Variants in F11R observed in about 807,000 individuals in gnomAD.
The protein encoded by F11R is junctional adhesion molecule A.
Under a neutral mutation model 39.3 loss-of-function variants are expected in F11R, and 27 were observed. The ratio of observed to expected loss-of-function variants is 0.69; its 90% CI spans 0.51 to 0.95. The LOEUF (loss-of-function observed/expected upper bound fraction) is 0.95, where lower values mean the gene tolerates loss of function less well. F11R is among the 40% of genes least tolerant of loss of function. F11R has a pLI of 0.00. For synonymous variants in F11R, 131 were observed against 144.9 expected (o/e 0.90, Z 0.69); for missense variants, 335 against 372.7 (o/e 0.90, Z 0.83).
chr1:161,007,125 C>T (rs372101013), intron 1 of F11R, among the ~76,000 whole-genome samples: 5 of 145,912 alleles, frequency 3.4e-5, no homozygotes, highest in Non-Finnish European at 7.4e-5. Flanking sequence ...GAGCTGAGAT[C>T]GTGCCATTGC....
In F11R at chr1:161,000,657, T is replaced by A; in HGVS notation, c.362A>T (p.Glu121Val). ...AAGCACGATGAGCTTGACCTTGACC[T>A]CCCCATAGCTGTTGCCGCCTTCCTC... ...VSEEGGNSYG[E>V]VKVKLIVLVP... The change falls in exon 4 of 10, where the codon GAG (glutamate) becomes GTG (valine). Residue 121 changes from glutamate (E) to valine (V), a missense_variant. Glu to Val is a moderately radical substitution (Grantham distance 121, BLOSUM62 -2). Transcript: ENST00000368026. The A allele has an allele frequency of 6.2e-7, 1 of 1,614,002 alleles. No homozygotes were observed. The highest frequency in any genetic ancestry group is 8.5e-7 in the Non-Finnish European group (1 of 1,179,992).
chr1:161,021,103 C>G lies in F11R; in HGVS notation c.-30G>C. On this transcript the variant is annotated 5_prime_UTR_variant, in exon 1 of 10. Transcript: ENST00000368026. Reference sequence around the variant, plus strand: ...ATCAGGCTCCCGACACAACAGCCGCCGAAGGACTCCTGGGAACAGACACAG... The same window carrying G: ...ATCAGGCTCCCGACACAACAGCCGCGGAAGGACTCCTGGGAACAGACACAG... The G allele has an allele frequency of 1.9e-6, 3 of 1,597,992 alleles. No homozygotes were observed. The highest frequency in any genetic ancestry group is 2.6e-6 in the Non-Finnish European group (3 of 1,166,490).
At chr1:161,003,926 G>A (rs980456944) in intron 1 of F11R, among the ~76,000 whole-genome samples, 6 of 151,472 alleles carry the variant, frequency 4.0e-5, no homozygotes, top group African/African-American at 1.5e-4. Context: ...CACCATGCCC[G>A]GCTAATTTTG....
At chr1:161,012,415 C>T (rs895073354) in intron 1 of F11R, among the ~76,000 whole-genome samples, 1 of 151,924 alleles carries the variant, frequency 6.6e-6, no homozygotes. Context: ...TCAAGACCAG[C>T]CTGGGCAACA....
chr1:161,008,248 C>T lies in F11R; in HGVS notation c.65-6895G>A, dbSNP rs147297226. On this transcript the variant is annotated intron_variant, in intron 1 of 9. Coordinates refer to ENST00000368026, the MANE Select transcript of F11R (RefSeq NM_016946.6). ...CGGTGACTCACGCCTGTAATCCCAGCACTTTGGGAGGCTGAGGCAGGCGGA... is the reference window on the plus strand; with the variant it reads ...CGGTGACTCACGCCTGTAATCCCAGTACTTTGGGAGGCTGAGGCAGGCGGA... Among the ~76,000 whole-genome samples the T allele has an allele frequency of 7.9e-4, 120 of 152,226 alleles. 1 individual carries two copies. Among genetic ancestry groups the T allele is most frequent in the African/African-American group, 2.8e-3 (115 of 41,538 alleles).
chr1:161,018,022 C>T (rs1385022609), intron 1 of F11R, among the ~76,000 whole-genome samples: 5 of 152,348 alleles, frequency 3.3e-5, no homozygotes, highest in East Asian at 1.9e-4. Context: ...TTCCCTCTCT[C>T]CCCTGTGGTT....
chr1:161,015,446 GC>G (rs1417782714), intron 1 of F11R, among the ~76,000 whole-genome samples: 1 of 145,754 alleles, frequency 6.9e-6, no homozygotes, highest in African/African-American at 2.5e-5. Context: ...ACAAAAATTA[GC>G]CAAGAATGGT....
rs1648090505 is a variant in F11R at position 160,995,901 on chromosome 1, C to G, written c.*2970G>C. 6.6e-6 allele frequency: 1 copy of G among 152,328 alleles called. No individual in the cohort carries two copies. The highest frequency in any genetic ancestry group is 1.5e-5 in the Non-Finnish European group (1 of 68,040). The allele number at this position is 152,328 out of a possible 1,614,324, so 9.4% of individuals were successfully genotyped here. On this transcript the variant is annotated 3_prime_UTR_variant, in exon 10 of 10. Transcript: ENST00000368026. ...AACAAACACATCCTTAACACTCAAT[C>G]ATTTTATCCCAGATTATGCTGAGTT...
chr1:161,020,893 G>A (rs957577786), intron 1 of F11R, 117 bp downstream of exon 1: 2 of 892,648 alleles, frequency 2.2e-6, no homozygotes, highest in East Asian at 2.4e-5. Flanking sequence ...ATAATTCGCA[G>A]AACGATATAG....
At position 161,000,217 on chromosome 1, in the gene F11R, G is replaced by T. The variant is rs759546475; in HGVS notation, c.520C>A (p.Pro174Thr). ...GCACGGGTGCTTTTGGGATTCGTAG[G>T]CATCACTATCCCATCTTTGAACCAG... is the stretch of plus-strand genomic sequence containing the variant. ...YTWFKDGIVM[P>T]TNPKSTRAFS... Residue 174 changes from proline (P) to threonine (T), a missense_variant, in exon 5 of 10, where the codon CCT becomes ACT. Physicochemically the swap from Pro to Thr is conservative, Grantham distance 38. Coordinates refer to ENST00000368026, the MANE Select transcript of F11R (RefSeq NM_016946.6). 1.9e-6 allele frequency: 3 copies of T among 1,614,000 alleles called. No homozygotes were observed. The African/African-American group carries it at 4.0e-5, about 22-fold the overall frequency.
intron 1 of F11R, among the ~76,000 whole-genome samples, chr1:161,016,914 T>G (rs942906528): frequency 3.3e-5 from 5 of 152,256 alleles, no homozygotes; most frequent in African/African-American, 4.8e-5. Flanking sequence ...CATTTTGTTC[T>G]GTACTAAGAA....
chr1:161,009,264 T>C (rs1256278162), intron 1 of F11R, among the ~76,000 whole-genome samples: 1 of 152,082 alleles, frequency 6.6e-6, no homozygotes, highest in Non-Finnish European at 1.5e-5. Flanking sequence ...CAAAACACTG[T>C]CAAAGCAATT....
At chr1:161,007,140 C>T (rs1165537002) in intron 1 of F11R, among the ~76,000 whole-genome samples, 3 of 145,442 alleles carry the variant, frequency 2.1e-5, no homozygotes, top group African/African-American at 7.7e-5. Flanking sequence ...CATTGCACTC[C>T]AGCCTGGGCA....
chr1:160,999,277 C>G, intron 8 of F11R, 119 bp downstream of exon 8: 1 of 1,480,898 alleles, frequency 6.8e-7, no homozygotes, highest in Non-Finnish European at 9.4e-7. Flanking sequence ...TATCCAAATG[C>G]CTTCCCTCCA....
chr1:161,000,019 A>G (rs1267159905), intron 5 of F11R, 41 bp from the exon 6 acceptor site: 1 of 1,605,702 alleles, frequency 6.2e-7, no homozygotes, highest in Admixed American at 1.7e-5. Context: ...TGAAGAAGCA[A>G]AATAGACATT....
chr1:161,019,938 AG>A (rs1489618022), intron 1 of F11R, among the ~76,000 whole-genome samples: 2 of 152,194 alleles, frequency 1.3e-5, no homozygotes, highest in African/African-American at 2.4e-5. Context: ...AATCCATCTA[AG>A]GGCAGGGAAT....
rs781220488 is a variant in F11R, at chr1:160,999,432, T to A, written c.803-24A>T. 1.9e-6 allele frequency: 3 copies of A among 1,614,126 alleles called. No individual in the cohort carries two copies. In the Admixed American group the frequency reaches 5.0e-5, roughly 27 times the overall value. On this transcript the variant is annotated intron_variant, in intron 7 of 9. Transcript: ENST00000368026. ...TCCTGAAAGAGAAGAAATGGGATCA[T>A]GAGTGTCAGCAGGACAGAAGACAGC...
At chr1:161,000,488 G>T in intron 4 of F11R, 140 bp from the exon 5 acceptor site, 1 of 1,410,040 alleles carries the variant, frequency 7.1e-7, no homozygotes. Flanking sequence ...CTAACCAGGG[G>T]CTCATCTCCC....
intron 1 of F11R, among the ~76,000 whole-genome samples, chr1:161,019,563 C>T (rs925240936): frequency 1.4e-5 from 2 of 142,682 alleles, no homozygotes; most frequent in Non-Finnish European, 3.0e-5. Flanking sequence ...CCATTGCACT[C>T]GAGCCTGGGC....
Sources: allele counts gnomAD v4.1 joint callset (sites outside exome capture counted in the v4.1 genomes callset), GRCh38; gene constraint gnomAD v4.1.1; transcripts MANE v1.5; gene names NCBI Gene and HGNC (gene_info 2026-07-23, HGNC 2026-07-21).